Variants in PMEPA1 observed in about 807,000 individuals in gnomAD.
PMEPA1 encodes the protein prostate transmembrane protein, androgen induced 1.
Under a neutral mutation model 23.0 loss-of-function variants are expected in PMEPA1, and 11 were observed. The ratio of observed to expected loss-of-function variants is 0.48; its 90% CI spans 0.30 to 0.79. The LOEUF is 0.79. PMEPA1 is among the 30% of genes least tolerant of loss of function. PMEPA1 has a pLI of 0.06. For missense variants in PMEPA1, 377 were observed against 390.9 expected (o/e 0.96, Z 0.30); for synonymous variants, 204 against 166.4 (o/e 1.23, Z -1.74).
rs1327223210 is a variant in PMEPA1 at position 57,674,452 on chromosome 20, T to G, written c.110-14755A>C. Among the ~76,000 whole-genome samples the G allele has an allele frequency of 2.6e-5, 4 of 152,242 alleles. No homozygotes were observed. In the East Asian group the frequency reaches 5.8e-4, roughly 22 times the overall value. The stretch of plus-strand genomic sequence containing the variant: ...CTGTCTAAGCCACACAGTCCGGGGT[T>G]ATTTTATTACAGCGGCCTGAGCAGA... On this transcript the variant is annotated intron_variant, in intron 1 of 3. Transcript: ENST00000341744.
At chr20:57,674,438 A>G (rs901471748) in intron 1 of PMEPA1, among the ~76,000 whole-genome samples, 1 of 152,242 alleles carries the variant, frequency 6.6e-6, no homozygotes, top group African/African-American at 2.4e-5. Context: ...TGTCTAAGCC[A>G]CACAGTCCGG....
chr20:57,701,270 C>A (rs1221477309), intron 1 of PMEPA1, among the ~76,000 whole-genome samples: 2 of 152,154 alleles, frequency 1.3e-5, no homozygotes, highest in African/African-American at 4.8e-5. Flanking sequence ...CTGCTTAGCT[C>A]GGTCCAGCAT....
chr20:57,677,014 C>T (rs1054056106), intron 1 of PMEPA1, among the ~76,000 whole-genome samples: 5 of 152,252 alleles, frequency 3.3e-5, no homozygotes, highest in Non-Finnish European at 5.9e-5. Flanking sequence ...TCTCCTTCCT[C>T]GCTCACCATG....
chr20:57,664,809 GC>G (rs1243724070), intron 1 of PMEPA1, among the ~76,000 whole-genome samples: 4 of 152,220 alleles, frequency 2.6e-5, no homozygotes, highest in Non-Finnish European at 5.9e-5. Flanking sequence ...TTTTAAAAGG[GC>G]CAAGCAGGCC....
chr20:57,663,895 C>T lies in PMEPA1; in HGVS notation c.110-4198G>A, dbSNP rs542043398. Among the ~76,000 whole-genome samples, 45 of 152,312 alleles carry T rather than the reference C, an allele frequency of 3.0e-4. No individual in the cohort carries two copies. In the South Asian group the frequency reaches 8.3e-3, roughly 28 times the overall value. The stretch of plus-strand genomic sequence containing the variant: ...TCCAGCTCCAGTCAAGCCCCACCGG[C>T]GCGGATGCTGTGCGGGAGGAAGGCT... On this transcript the variant is annotated intron_variant, in intron 1 of 3. Transcript: ENST00000341744.
chr20:57,651,682 G>C lies in PMEPA1; in HGVS notation c.*371C>G, dbSNP rs530894360. ...ATAATATTGCAGATCTTTAAACAAAGGTTTTGTGCAAATATGTCTTTAAAG... is the reference window on the plus strand; with the variant it reads ...ATAATATTGCAGATCTTTAAACAAACGTTTTGTGCAAATATGTCTTTAAAG... On this transcript the variant is annotated 3_prime_UTR_variant, in exon 4 of 4. Transcript: ENST00000341744. The C allele has an allele frequency of 1.3e-5, 2 of 152,312 alleles. No individual in the cohort carries two copies. The highest frequency in any genetic ancestry group is 4.9e-5 in the African/African-American group (2 of 41,158). 9.4% of individuals were successfully genotyped at this position (152,312 alleles called of 1,614,324 possible). A position where few individuals can be genotyped will look rare whatever the true frequency, so the allele number is the denominator to read the frequency against.
rs1420009951 is a variant in PMEPA1, at chr20:57,690,391, T to TA, written c.109+19082dup. On this transcript the variant is annotated intron_variant, in intron 1 of 3. Transcript: ENST00000341744. ...TGAGAATATCCCCAGAGAAGAAACT[T>TA]ACCTCCATGTGCTGGAATTGCAGGC... 12 of 1,283,700 alleles carry TA rather than the reference T, an allele frequency of 9.3e-6. No individual in the cohort carries two copies. The Admixed American group carries it at 1.6e-4, about 17-fold the overall frequency. 79.5% of individuals were successfully genotyped at this position (1,283,700 alleles called of 1,614,324 possible). A position where few individuals can be genotyped will look rare whatever the true frequency, so the allele number is the denominator to read the frequency against.
chr20:57,707,527 G>A (rs2072105819), intron 1 of PMEPA1, among the ~76,000 whole-genome samples: 1 of 152,208 alleles, frequency 6.6e-6, no homozygotes, highest in African/African-American at 2.4e-5. Context: ...AAAGGCTGCT[G>A]GCGGCGGCGG....
Position 57,652,898 on chromosome 20 carries a change from G to C in PMEPA1, c.318+135C>G. The C allele has an allele frequency of 1.3e-6, 1 of 790,724 alleles. No individual in the cohort carries two copies. The highest frequency in any genetic ancestry group is 2.7e-5 in the East Asian group (1 of 37,456). The allele number at this position is 790,724 out of a possible 1,614,324, so 49.0% of individuals were successfully genotyped here. On this transcript the variant is annotated intron_variant, in intron 3 of 3. Transcript: ENST00000341744. This position sits in a 1 kb window ranked among gnomAD's most constrained non-coding sequence, Gnocchi z 6.1. Reference sequence around the variant, plus strand: ...CAGGGAGCAGATGATCTCCGGCAAGGAGGATCCCAGCAGCAAGGGCACTGC... The same window carrying C: ...CAGGGAGCAGATGATCTCCGGCAAGCAGGATCCCAGCAGCAAGGGCACTGC...
chr20:57,676,169 G>C (rs157090), intron 1 of PMEPA1, among the ~76,000 whole-genome samples: 69,662 of 152,126 alleles, frequency 0.46, 16,180 homozygotes, highest in African/African-American at 0.54. Flanking sequence ...GGAAGGCAGG[G>C]AGCCTGGCTC....
chr20:57,662,846 C>A (rs1794558902), intron 1 of PMEPA1, among the ~76,000 whole-genome samples: 1 of 152,194 alleles, frequency 6.6e-6, no homozygotes, highest in South Asian at 2.1e-4. Context: ...TGTTTTTGTC[C>A]CTGTCCCGGG....
At chr20:57,691,372 G>A (rs1249461622) in intron 1 of PMEPA1, among the ~76,000 whole-genome samples, 10 of 152,178 alleles carry the variant, frequency 6.6e-5, no homozygotes, top group African/African-American at 2.4e-4. Flanking sequence ...CTGCGCTAGG[G>A]GTTCTTGTGC....
At chr20:57,672,904 T>G (rs1268141543) in intron 1 of PMEPA1, among the ~76,000 whole-genome samples, 8 of 152,160 alleles carry the variant, frequency 5.3e-5, no homozygotes, top group Admixed American at 5.2e-4. Context: ...GTGCCTCGGT[T>G]TCCACATCTG....
intron 1 of PMEPA1, among the ~76,000 whole-genome samples, chr20:57,697,975 C>A (rs1431594814): frequency 6.6e-6 from 1 of 152,166 alleles, no homozygotes; most frequent in Non-Finnish European, 1.5e-5. Context: ...GCAGAGGCTC[C>A]CTTACACGTG....
chr20:57,710,541 C>G, upstream of PMEPA1: 1 of 1,485,470 alleles, frequency 6.7e-7, no homozygotes, highest in Non-Finnish European at 9.2e-7. Flanking sequence ...CCCCCAAGCG[C>G]TTTCACCCGA....
intron 1 of PMEPA1, among the ~76,000 whole-genome samples, chr20:57,681,112 T>G (rs1476821727): frequency 1.3e-5 from 2 of 152,232 alleles, no homozygotes; most frequent in Non-Finnish European, 2.9e-5. Flanking sequence ...TCATCAACCC[T>G]GGGTGCTACC....
chr20:57,670,586 C>T (rs1487859048), intron 1 of PMEPA1, among the ~76,000 whole-genome samples: 1 of 152,196 alleles, frequency 6.6e-6, no homozygotes, highest in Non-Finnish European at 1.5e-5. Flanking sequence ...TTGGTCTTCC[C>T]CTTCCAGGCT....
In PMEPA1 at chr20:57,670,546, C is replaced by T. The variant is rs564482741; in HGVS notation, c.110-10849G>A. Among the ~76,000 whole-genome samples the T allele has an allele frequency of 6.6e-5, 10 of 152,312 alleles. No homozygotes were observed. The South Asian group carries it at 1.9e-3, about 28-fold the overall frequency. On this transcript the variant is annotated intron_variant, in intron 1 of 3. Transcript: ENST00000341744. ...GCCTGACAAGCCTCCACCCTCAGGT[C>T]GCATGCACACCTGCAATGCCCCGTC...
At chr20:57,658,071 T>C (rs773412804) in intron 2 of PMEPA1, among the ~76,000 whole-genome samples, 1 of 152,220 alleles carries the variant, frequency 6.6e-6, no homozygotes, top group Non-Finnish European at 1.5e-5. Context: ...TGCTGAAGGA[T>C]ACCGAACAGC....
Sources: allele counts gnomAD v4.1 joint callset (sites outside exome capture counted in the v4.1 genomes callset), GRCh38; gene constraint gnomAD v4.1.1; non-coding constraint Gnocchi (gnomAD v3.1); transcripts MANE v1.5; gene names NCBI Gene and HGNC (gene_info 2026-07-23, HGNC 2026-07-21).